BICRAL: variants seen among roughly 807,000 people sequenced by gnomAD.
BICRAL encodes BICRA like chromatin remodeling complex associated protein.
Under a neutral mutation model 91.8 loss-of-function variants are expected in BICRAL, and 8 were observed. That is an observed-to-expected ratio of 0.09 (90% CI 0.05 to 0.16). The LOEUF is 0.16. Ranked by LOEUF, BICRAL falls within the 10% of genes least tolerant of loss-of-function variation. The pLI is 1.00. For missense variants in BICRAL, 1,038 were observed against 1,310.9 expected, an observed-to-expected ratio of 0.79 and a Z score of 3.21; for synonymous variants, 445 against 491.1, an observed-to-expected ratio of 0.91 and a Z score of 1.24.
chr6:42,806,730 G>T (rs1763718964), intron 1 of BICRAL, among the ~76,000 whole-genome samples: 1 of 151,672 alleles, frequency 6.6e-6, no homozygotes, highest in Admixed American at 6.6e-5. Flanking sequence ...GCCCAGGCTG[G>T]TCTCAAACTC....
chr6:42,752,153 G>T (rs1299545541), intron 1 of BICRAL, among the ~76,000 whole-genome samples: 1 of 152,198 alleles, frequency 6.6e-6, no homozygotes. Flanking sequence ...GTGCAGGCAG[G>T]TCCTGTTGTT....
intron 5 of BICRAL, 54 bp from the exon 6 acceptor site, chr6:42,828,439 T>C: frequency 7.6e-6 from 11 of 1,448,976 alleles, no homozygotes; most frequent in Non-Finnish European, 1.0e-5. Flanking sequence ...TTAATTTTTA[T>C]GCATCCTTTT....
At chr6:42,779,560 A>T (rs1267243298), upstream of BICRAL, among the ~76,000 whole-genome samples, 1 of 152,218 alleles carries the variant, frequency 6.6e-6, no homozygotes, top group Non-Finnish European at 1.5e-5. Flanking sequence ...AAAACACCTC[A>T]ATGATACTGT....
intron 1 of BICRAL, among the ~76,000 whole-genome samples, chr6:42,772,484 G>A (rs1017678433): frequency 6.6e-6 from 1 of 152,136 alleles, no homozygotes; most frequent in East Asian, 1.9e-4. Context: ...GGTATTCTCT[G>A]TAAAGGGACC....
intron 1 of BICRAL, among the ~76,000 whole-genome samples, chr6:42,802,610 A>G (rs895936266): frequency 6.6e-6 from 1 of 152,042 alleles, no homozygotes; most frequent in African/African-American, 2.4e-5. Context: ...CAGCATGCCC[A>G]GCTAATTTTT....
chr6:42,781,957 G>C (rs1173869036), upstream of BICRAL: 1 of 146,742 alleles, frequency 6.8e-6, no homozygotes, highest in Non-Finnish European at 1.5e-5. Flanking sequence ...GAGCGAGAGA[G>C]AGAGCGGAGC....
chr6:42,767,794 CAGGA>C (rs1762656092), intron 1 of BICRAL, among the ~76,000 whole-genome samples: 1 of 152,092 alleles, frequency 6.6e-6, no homozygotes, highest in South Asian at 2.1e-4. Flanking sequence ...ACAGAGGAAA[CAGGA>C]GGGTGGGAAA....
At chr6:42,861,672 G>A (rs1401180451) in intron 11 of BICRAL, among the ~76,000 whole-genome samples, 3 of 152,122 alleles carry the variant, frequency 2.0e-5, no homozygotes, top group Admixed American at 6.6e-5. Context: ...CCGTGTGTCT[G>A]TATTTACTTA....
At chr6:42,852,048 T>C (rs1205724973) in intron 6 of BICRAL, 44 bp from the exon 7 acceptor site, 2 of 1,189,914 alleles carry the variant, frequency 1.7e-6, no homozygotes, top group South Asian at 2.5e-5. Flanking sequence ...CTGTTAAAGC[T>C]TTAGAAATGA....
chr6:42,802,833 A>G (rs1245366131), intron 1 of BICRAL, among the ~76,000 whole-genome samples: 1 of 152,030 alleles, frequency 6.6e-6, no homozygotes, highest in Non-Finnish European at 1.5e-5. Context: ...CTCCGTCCTC[A>G]GCCTCCCAAA....
chr6:42,767,006 C>G (rs1248957082), intron 1 of BICRAL, among the ~76,000 whole-genome samples: 1 of 150,806 alleles, frequency 6.6e-6, no homozygotes, highest in Admixed American at 6.6e-5. Flanking sequence ...CGCCACTGTA[C>G]TCCAGCCTGG....
chr6:42,810,983 G>A (rs1418338186), intron 2 of BICRAL, among the ~76,000 whole-genome samples: 1 of 152,026 alleles, frequency 6.6e-6, no homozygotes, highest in Non-Finnish European at 1.5e-5. Flanking sequence ...TGAATACTCT[G>A]ATCCTATAAT....
Position 42,751,296 on chromosome 6 carries a change from A to G in BICRAL, c.-261+4273A>G, listed in dbSNP as rs551843015. 3.3e-5 allele frequency among the ~76,000 whole-genome samples: 5 copies of G among 151,870 alleles called. No homozygotes were observed. The South Asian group carries it at 6.2e-4, about 19-fold the overall frequency. On this transcript the variant is annotated intron_variant, in intron 1 of 14. Coordinates refer to the BICRAL transcript ENST00000614467. The stretch of plus-strand genomic sequence containing the variant: ...GGGTGGAGAGCCTTAAATCACTTTC[A>G]CTGTGTGGGTTCCTTTTTCTCTAAA...
At chr6:42,791,422 G>A (rs1346417760) in intron 1 of BICRAL, among the ~76,000 whole-genome samples, 1 of 152,126 alleles carries the variant, frequency 6.6e-6, no homozygotes, top group Non-Finnish European at 1.5e-5. Context: ...GAATGTGAGA[G>A]AATAAGATAT....
At chr6:42,763,089 C>T (rs946467718) in intron 1 of BICRAL, among the ~76,000 whole-genome samples, 6 of 152,098 alleles carry the variant, frequency 3.9e-5, no homozygotes, top group Admixed American at 1.3e-4. Flanking sequence ...GTGAATGAGC[C>T]CAAAGGTCAA....
intron 1 of BICRAL, among the ~76,000 whole-genome samples, chr6:42,761,184 G>A (rs1202555175): frequency 9.6e-5 from 14 of 145,106 alleles, no homozygotes; most frequent in African/African-American, 1.2e-4. Flanking sequence ...TAGGGCACCG[G>A]TGGCTCACGC....
intron 6 of BICRAL, among the ~76,000 whole-genome samples, chr6:42,844,508 C>CAAAAAAAAAA (rs34115804): frequency 6.4e-5 from 2 of 31,460 alleles, no homozygotes; most frequent in Non-Finnish European, 7.7e-5. Context: ...GACTCCATCT[C>CAAAAAAAAAA]AAAAAAAAAA....
At chr6:42,784,628 G>C (rs144405717) in intron 1 of BICRAL, among the ~76,000 whole-genome samples, 1 of 152,342 alleles carries the variant, frequency 6.6e-6, no homozygotes, top group African/African-American at 2.4e-5. Context: ...AACGTTCATA[G>C]AAGTATAGTA....
chr6:42,814,519 A>ATATATATATATATATT (rs1237976324), intron 2 of BICRAL, among the ~76,000 whole-genome samples: 5 of 80,208 alleles, frequency 6.2e-5, no homozygotes, highest in African/African-American at 3.3e-4. Flanking sequence ...ATATATATAT[A>ATATATATATATATATT]TTTTTTTTTT....
Sources: allele counts gnomAD v4.1 joint callset (sites outside exome capture counted in the v4.1 genomes callset), GRCh38; gene constraint gnomAD v4.1.1; transcripts MANE v1.5; gene names NCBI Gene and HGNC (gene_info 2026-07-23, HGNC 2026-07-21).